The following IGSF11 variants were observed in gnomAD, a reference collection of about 807,000 sequenced individuals.
IGSF11 encodes CXADR like 1.
IGSF11 carries 22 observed loss-of-function variants against 41.0 expected under a neutral mutation model. That is an observed-to-expected ratio of 0.54 (90% confidence interval 0.38 to 0.77). The LOEUF is 0.77. Among genes scored for constraint, IGSF11 ranks in the 30% least tolerant of loss-of-function variants. The pLI is 0.00. For missense variants in IGSF11, 444 were observed against 530.8 expected, an observed-to-expected ratio of 0.84 and a Z score of 1.61; for synonymous variants, 219 against 201.3, an observed-to-expected ratio of 1.09 and a Z score of -0.74.
At chr3:119,120,438 T>A (rs1275257789) in intron 1 of IGSF11, among the ~76,000 whole-genome samples, 1 of 151,480 alleles carries the variant, frequency 6.6e-6, no homozygotes, top group Non-Finnish European at 1.5e-5. Flanking sequence ...GATTTAGGAG[T>A]GGAAGGTTTA....
At chr3:118,965,496 A>G (rs1169202500) in intron 1 of IGSF11, among the ~76,000 whole-genome samples, 1 of 152,006 alleles carries the variant, frequency 6.6e-6, no homozygotes, top group African/African-American at 2.4e-5. Context: ...AAATGAATCA[A>G]TGTTAGTAAA....
At position 119,044,938 on chromosome 3, in the gene IGSF11, A is replaced by G. The variant is rs370573631; in HGVS notation, c.49+60206T>C. 2.6e-5 allele frequency among the ~76,000 whole-genome samples: 4 copies of G among 152,232 alleles called. No individual in the cohort carries two copies. The East Asian group carries it at 7.7e-4, about 29-fold the overall frequency. On this transcript the variant is annotated intron_variant, in intron 1 of 6. Transcript: ENST00000354673. ...CTTGGAACAAAACCTGAAATACACC[A>G]AAATAGAACCGCCTTAAAGCACAAA... is the stretch of plus-strand genomic sequence containing the variant.
chr3:118,931,388 A>G (rs565092236), intron 1 of IGSF11, among the ~76,000 whole-genome samples: 195 of 152,362 alleles, frequency 1.3e-3, no homozygotes, highest in African/African-American at 4.6e-3. Context: ...TCATGTCCTG[A>G]AAAGGAAATA....
intron 1 of IGSF11, among the ~76,000 whole-genome samples, chr3:118,970,861 A>G (rs971824390): frequency 1.3e-5 from 2 of 152,210 alleles, no homozygotes; most frequent in African/African-American, 4.8e-5. Flanking sequence ...CATTTGTAGA[A>G]ATAGGTACTT....
rs62273502 is a variant in IGSF11, at chr3:119,129,206, C to G, written c.-14+16607G>C. On this transcript the variant is annotated intron_variant, in intron 1 of 7. Coordinates refer to the IGSF11 transcript ENST00000425327. Reference sequence around the variant, plus strand: ...AACTTAGAGGATGAGTCAATAGGTGCAGCAAACCACCATGGCACACGTATA... The same window carrying G: ...AACTTAGAGGATGAGTCAATAGGTGGAGCAAACCACCATGGCACACGTATA... Among the ~76,000 whole-genome samples the G allele has an allele frequency of 2.7e-3, 413 of 152,138 alleles. 3 individuals carry two copies. The highest frequency in any genetic ancestry group is 4.0e-3 in the Non-Finnish European group (274 of 67,998).
At chr3:119,035,157 G>A (rs368711607), upstream of IGSF11, among the ~76,000 whole-genome samples, 13 of 152,324 alleles carry the variant, frequency 8.5e-5, no homozygotes, top group South Asian at 2.5e-3. Flanking sequence ...CCGCAAACAG[G>A]TGGTGTCGGC....
chr3:119,026,775 T>C (rs185920351), intron 1 of IGSF11, among the ~76,000 whole-genome samples: 1 of 152,312 alleles, frequency 6.6e-6, no homozygotes, highest in East Asian at 1.9e-4. Flanking sequence ...ATTGGTGCAA[T>C]TATTTGAGCT....
chr3:118,941,212 G>A (rs1943669176), intron 1 of IGSF11, among the ~76,000 whole-genome samples: 1 of 151,962 alleles, frequency 6.6e-6, no homozygotes, highest in Non-Finnish European at 1.5e-5. Flanking sequence ...CAAGCCATAG[G>A]TTGGGAAAAA....
intron 1 of IGSF11, among the ~76,000 whole-genome samples, chr3:118,959,297 T>C (rs372288799): frequency 9.2e-5 from 14 of 152,120 alleles, no homozygotes; most frequent in African/African-American, 3.4e-4. Flanking sequence ...AGATTACATA[T>C]GCTACTGGAT....
At chr3:119,094,919 G>A (rs12631542) in intron 1 of IGSF11, among the ~76,000 whole-genome samples, 1 of 151,738 alleles carries the variant, frequency 6.6e-6, no homozygotes, top group African/African-American at 2.4e-5. Flanking sequence ...TGATCCAGCC[G>A]CCTCGGCCTC....
chr3:119,087,099 C>T lies in IGSF11; in HGVS notation c.49+18045G>A, dbSNP rs1415849538. 2.0e-5 allele frequency among the ~76,000 whole-genome samples: 3 copies of T among 152,172 alleles called. No individual in the cohort carries two copies. In the East Asian group the frequency reaches 5.8e-4, roughly 29 times the overall value. ...GGAAAGTAAAAAAGAGCAGGAGTTGCTATTCTTATATCAGATAAAACAGAC... is the reference window on the plus strand; with the variant it reads ...GGAAAGTAAAAAAGAGCAGGAGTTGTTATTCTTATATCAGATAAAACAGAC... On this transcript the variant is annotated intron_variant, in intron 1 of 6. Transcript: ENST00000354673.
At chr3:119,080,614 G>A (rs2076571310) in intron 1 of IGSF11, among the ~76,000 whole-genome samples, 1 of 152,158 alleles carries the variant, frequency 6.6e-6, no homozygotes, top group Admixed American at 6.5e-5. Flanking sequence ...ATGGAGATGT[G>A]AAGTTGATAA....
intron 1 of IGSF11, among the ~76,000 whole-genome samples, chr3:119,000,063 CTT>C (rs1297321950): frequency 4.1e-4 from 40 of 98,710 alleles, no homozygotes; most frequent in African/African-American, 1.2e-3. Context: ...ATTCATTATT[CTT>C]TTTTTTTTTT....
intron 1 of IGSF11, among the ~76,000 whole-genome samples, chr3:119,033,304 C>T (rs1321653067): frequency 6.6e-6 from 1 of 152,184 alleles, no homozygotes; most frequent in Admixed American, 6.5e-5. Flanking sequence ...TTATTTCACA[C>T]TTAAAAGTAG....
At chr3:119,098,351 C>T (rs2076889092) in intron 1 of IGSF11, among the ~76,000 whole-genome samples, 1 of 152,064 alleles carries the variant, frequency 6.6e-6, no homozygotes, top group African/African-American at 2.4e-5. Context: ...AGAGCAGTGC[C>T]TAACATATTG....
In IGSF11 at chr3:118,930,123, G is replaced by T; in HGVS notation, c.205C>A (p.Gln69Lys). The change falls in exon 2 of 7, where the codon CAA becomes AAA. Residue 69 changes from glutamine to lysine, a missense_variant. Gln to Lys is a moderately conservative substitution (Grantham distance 53). Coordinates refer to ENST00000393775, the MANE Select transcript of IGSF11 (RefSeq NM_001015887.3). ...TGCAACAGAAATACCTGTTCAGGTT[G>T]GTTGGCATTGGAGAGAGGAGTGACC... ...WMVTPLSNANQPEQVILYQGG... is the reference protein window; with the variant it reads ...WMVTPLSNANKPEQVILYQGG... 6.2e-7 allele frequency: 1 copy of T among 1,613,156 alleles called. No individual in the cohort carries two copies.
At chr3:119,046,077 A>T (rs370115345) in intron 1 of IGSF11, among the ~76,000 whole-genome samples, 18 of 151,662 alleles carry the variant, frequency 1.2e-4, no homozygotes, top group African/African-American at 3.6e-4. Flanking sequence ...AACTCTAAAA[A>T]TCAGAGCGCC....
At chr3:118,931,724 T>C (rs1332489837) in intron 1 of IGSF11, among the ~76,000 whole-genome samples, 1 of 146,744 alleles carries the variant, frequency 6.8e-6, no homozygotes, top group Non-Finnish European at 1.5e-5. Context: ...CTCTGCAAGC[T>C]TAAAAGTCAC....
At chr3:119,103,979 T>C (rs536492107) in intron 1 of IGSF11, among the ~76,000 whole-genome samples, 40 of 152,320 alleles carry the variant, frequency 2.6e-4, no homozygotes, top group African/African-American at 9.4e-4. Flanking sequence ...ATAGGTTTCA[T>C]CTAGTTTTTT....
Sources: allele counts gnomAD v4.1 joint callset (sites outside exome capture counted in the v4.1 genomes callset), GRCh38; gene constraint gnomAD v4.1.1; transcripts MANE v1.5; gene names NCBI Gene and HGNC (gene_info 2026-07-23, HGNC 2026-07-21).